Variants in SYT10 observed in about 807,000 individuals in gnomAD.
SYT10 encodes the protein synaptotagmin 10, also known as synaptotagmin-10.
SYT10 carries 31 observed loss-of-function variants against 51.1 expected under a neutral mutation model. The observed-to-expected ratio is 0.61, with a 90% CI of 0.46 to 0.82. SYT10 has a LOEUF of 0.82. Ranked by LOEUF, SYT10 falls within the 40% of genes least tolerant of loss-of-function variation. The pLI is 0.00. For missense variants in SYT10, 603 were observed against 634.0 expected, an observed-to-expected ratio of 0.95 and a Z score of 0.53; for synonymous variants, 233 against 225.9, an observed-to-expected ratio of 1.03 and a Z score of -0.28.
At chr12:33,439,342 C>A in intron 1 of SYT10, 30 bp downstream of exon 1, 1 of 1,597,408 alleles carries the variant, frequency 6.3e-7, no homozygotes, top group South Asian at 1.1e-5. Context: ...CAGCGGAGCG[C>A]GAGGACGCGA....
At position 33,407,249 on chromosome 12, in the gene SYT10, A is replaced by G. The variant is rs747063073; in HGVS notation, c.617T>C (p.Ile206Thr). Residue 206 changes from isoleucine to threonine, a missense_variant, in exon 3 of 7, where the codon ATT (isoleucine) becomes ACT (threonine). Physicochemically the swap from Ile to Thr is moderately conservative, Grantham distance 89. Transcript: ENST00000228567. The stretch of plus-strand genomic sequence containing the variant: ...GTAGAGTTCTGGCTTTATCCTCCCA[A>G]TGCTGGTTGTTGTTTCTCCTCGTTG... Reference protein sequence around the residue: ...VLQRGETTTSIGRIKPELYKQ... With the variant: ...VLQRGETTTSTGRIKPELYKQ... The G allele has an allele frequency of 4.3e-6, 7 of 1,613,968 alleles. No homozygotes were observed. The Admixed American group carries it at 1.0e-4, about 23-fold the overall frequency.
chr12:33,439,728 CGAG>C lies in SYT10; in HGVS notation c.-209_-207del, dbSNP rs1347043736. On this transcript the variant is annotated 5_prime_UTR_variant, in exon 1 of 7. Coordinates refer to ENST00000228567, the MANE Select transcript of SYT10 (RefSeq NM_198992.4). ...AGGGCGTAGGGGAAGGAGAGGCGCG[CGAG>C]GAGGCTGCGGCTGCCGCGAGGTTTG... 3.4e-6 allele frequency: 2 copies of C among 589,586 alleles called. No homozygotes were observed. Among genetic ancestry groups the C allele is most frequent in the Admixed American group, 3.6e-5 (1 of 27,682 alleles). The allele number at this position is 589,586 out of a possible 1,614,324, so 36.5% of individuals were successfully genotyped here.
chr12:33,425,280 C>A (rs1028266060), intron 2 of SYT10, among the ~76,000 whole-genome samples: 2 of 151,806 alleles, frequency 1.3e-5, no homozygotes, highest in African/African-American at 2.4e-5. Flanking sequence ...TTTACCCTGC[C>A]CTAGAATAAA....
At position 33,428,863 on chromosome 12, in the gene SYT10, G is replaced by A. The variant is rs567227776; in HGVS notation, c.152-2368C>T. 6.7e-5 allele frequency among the ~76,000 whole-genome samples: 10 copies of A among 148,966 alleles called. No individual in the cohort carries two copies. The South Asian group carries it at 1.3e-3, about 19-fold the overall frequency. On this transcript the variant is annotated intron_variant, in intron 1 of 6. Transcript: ENST00000228567. ...GGAGCTTGCAGTGAGCCGAGGTTGC[G>A]CCACTGCACTCCAGCCTGGGTGACA... is the stretch of plus-strand genomic sequence containing the variant.
At chr12:33,403,651 A>G (rs895946357) in intron 3 of SYT10, among the ~76,000 whole-genome samples, 18 of 152,178 alleles carry the variant, frequency 1.2e-4, no homozygotes, top group Admixed American at 1.0e-3. Flanking sequence ...GTGAGAGCAT[A>G]TACTGCATTT....
chr12:33,391,403 G>C (rs1489347926), intron 3 of SYT10, among the ~76,000 whole-genome samples: 2 of 152,130 alleles, frequency 1.3e-5, no homozygotes, highest in African/African-American at 2.4e-5. Flanking sequence ...AATGAGTAAA[G>C]GCAAAGGGAA....
Position 33,426,342 on chromosome 12 carries a change from C to T in SYT10, c.305G>A (p.Ser102Asn). The T allele has an allele frequency of 6.2e-7, 1 of 1,614,038 alleles. No individual in the cohort carries two copies. The highest frequency in any genetic ancestry group is 8.5e-7 in the Non-Finnish European group (1 of 1,179,998). The stretch of plus-strand genomic sequence containing the variant: ...AGTCTCAAAAACTTCAGTAGGAGCA[C>T]TTGAAATGCTCTGTGGAAGCGTAGT... ...NITTLPQSISSAPTEVFETEE... is the reference protein window; with the variant it reads ...NITTLPQSISNAPTEVFETEE... The change falls in exon 2 of 7, where the codon AGT (serine) becomes AAT (asparagine). Residue 102 changes from serine to asparagine, a missense_variant. Coordinates refer to ENST00000228567, the MANE Select transcript of SYT10 (RefSeq NM_198992.4).
At chr12:33,437,459 T>C (rs532641270) in intron 1 of SYT10, among the ~76,000 whole-genome samples, 69 of 152,338 alleles carry the variant, frequency 4.5e-4, no homozygotes, top group African/African-American at 1.3e-3. Flanking sequence ...CTATAGTTTA[T>C]CTGAAGCTGA....
At chr12:33,402,747 AC>A (rs1424376369) in intron 3 of SYT10, among the ~76,000 whole-genome samples, 4 of 152,202 alleles carry the variant, frequency 2.6e-5, no homozygotes, top group Non-Finnish European at 5.9e-5. Flanking sequence ...AAGATCTTGC[AC>A]AGGCCTTTGG....
rs150924840 is a variant in SYT10, at chr12:33,379,850, G to C, written c.1482C>G (p.His494Gln). 1 of 1,613,924 alleles carries C rather than the reference G, an allele frequency of 6.2e-7. No individual in the cohort carries two copies. Among genetic ancestry groups the C allele is most frequent in the African/African-American group, 1.3e-5 (1 of 75,020 alleles). The change falls in exon 6 of 7, where the codon CAC (histidine) becomes CAG (glutamine). Residue 494 changes from histidine (H) to glutamine (Q), a missense_variant. By Grantham distance (24) the His-to-Gln change is conservative. Transcript: ENST00000228567. ...MLAYHRKPITHWHPLLELPGR... is the reference protein window; with the variant it reads ...MLAYHRKPITQWHPLLELPGR... ...AGCTTACCTCCAGCAATGGGTGCCAGTGCGTTATTGGTTTTCGATGATAGG... is the reference window on the plus strand; with the variant it reads ...AGCTTACCTCCAGCAATGGGTGCCACTGCGTTATTGGTTTTCGATGATAGG...
At chr12:33,432,825 T>C (rs918015113) in intron 1 of SYT10, 2 of 152,028 alleles carry the variant, frequency 1.3e-5, no homozygotes, top group Non-Finnish European at 1.5e-5. Context: ...TCAAGGTCCA[T>C]CTAAGGAAAA....
chr12:33,431,084 T>C (rs1474775311), intron 1 of SYT10, among the ~76,000 whole-genome samples: 2 of 152,284 alleles, frequency 1.3e-5, no homozygotes, highest in Middle Eastern at 3.4e-3. Context: ...TATTCAAAGG[T>C]CTTTGCTTCT....
intron 1 of SYT10, among the ~76,000 whole-genome samples, chr12:33,433,516 G>T (rs1471761429): frequency 1.3e-5 from 2 of 152,056 alleles, no homozygotes; most frequent in East Asian, 3.8e-4. Flanking sequence ...CTATATTTAG[G>T]ATTATATGCG....
chr12:33,428,142 A>T (rs11052698), intron 1 of SYT10, among the ~76,000 whole-genome samples: 21,283 of 152,166 alleles, frequency 0.14, 1,775 homozygotes, highest in African/African-American at 0.21. Flanking sequence ...AGTGAAGGAG[A>T]GTGAAGATTA....
At position 33,389,465 on chromosome 12, in the gene SYT10, T is replaced by C. The variant is rs1414068612; in HGVS notation, c.1078-4174A>G. On this transcript the variant is annotated intron_variant, in intron 3 of 6. Coordinates refer to ENST00000228567, the MANE Select transcript of SYT10 (RefSeq NM_198992.4). Reference sequence around the variant, plus strand: ...AACAGGCACTCAAAAACAATAATGATGTTAATGAAAATAATATTTGAAAAA... The same window carrying C: ...AACAGGCACTCAAAAACAATAATGACGTTAATGAAAATAATATTTGAAAAA... Among the ~76,000 whole-genome samples, 3 of 152,196 alleles carry C rather than the reference T, an allele frequency of 2.0e-5. No individual in the cohort carries two copies. The East Asian group carries it at 5.8e-4, about 29-fold the overall frequency.
intron 3 of SYT10, among the ~76,000 whole-genome samples, chr12:33,397,624 C>G (rs75153961): frequency 0.013 from 2,049 of 152,096 alleles, 19 homozygotes; most frequent in Non-Finnish European, 0.021. Context: ...AAAGACACAC[C>G]TAGGAGATAT....
At chr12:33,387,084 C>T (rs796793457) in intron 3 of SYT10, among the ~76,000 whole-genome samples, 18 of 152,164 alleles carry the variant, frequency 1.2e-4, no homozygotes, top group African/African-American at 4.1e-4. Context: ...GGAAATAACT[C>T]GCTGATTATG....
chr12:33,425,025 G>T (rs983420906), intron 2 of SYT10, among the ~76,000 whole-genome samples: 7 of 151,996 alleles, frequency 4.6e-5, no homozygotes, highest in African/African-American at 1.7e-4. Context: ...ATACATTTAA[G>T]TAAGAAGTGG....
Position 33,376,853 on chromosome 12 carries a change from G to T in SYT10, c.1549C>A (p.Pro517Thr). The T allele has an allele frequency of 6.2e-7, 1 of 1,614,092 alleles. No homozygotes were observed. Among genetic ancestry groups the T allele is most frequent in the Non-Finnish European group, 8.5e-7 (1 of 1,179,982 alleles). ...SFDSQGSCPS[P>T]KPPSTP The stretch of plus-strand genomic sequence containing the variant: ...CATTATGGTGTGGAAGGTGGTTTAG[G>T]AGAAGGGCAGGATCCTTGACTATCA... Residue 517 changes from proline to threonine, a missense_variant, in exon 7 of 7, where the codon CCT (proline) becomes ACT (threonine). Physicochemically the swap from Pro to Thr is conservative, Grantham distance 38 (BLOSUM62 -1). Coordinates refer to ENST00000228567, the MANE Select transcript of SYT10 (RefSeq NM_198992.4).
Sources: gnomAD v4.1 joint callset for allele counts (sites outside exome capture counted in the v4.1 genomes callset) on GRCh38, gnomAD v4.1.1 for gene constraint, MANE v1.5 for transcripts, NCBI Gene and HGNC (gene_info 2026-07-23, HGNC 2026-07-21) for gene names.